CRADD: variants seen among roughly 807,000 people sequenced by gnomAD.
CRADD encodes the protein death domain-containing protein CRADD.
Under a neutral mutation model 15.5 loss-of-function variants are expected in CRADD, and 9 were observed. The observed-to-expected ratio is 0.58, with a 90% confidence interval of 0.35 to 1.01. CRADD has a LOEUF of 1.01. CRADD is among the 50% of genes least tolerant of loss of function. The probability of loss-of-function intolerance (pLI) is 0.02; values close to 1 mark genes in which losing one functional copy is unlikely to be tolerated. For missense variants in CRADD, 227 were observed against 250.3 expected, an observed-to-expected ratio of 0.91 and a Z score of 0.63; for synonymous variants, 118 against 107.6, an observed-to-expected ratio of 1.10 and a Z score of -0.60.
At chr12:93,883,368 T>C (rs912041390) in intron 2 of CRADD, among the ~76,000 whole-genome samples, 3 of 152,252 alleles carry the variant, frequency 2.0e-5, no homozygotes, top group Non-Finnish European at 2.9e-5. Context: ...ATTTAAAATA[T>C]GAAGTATTAC....
At chr12:93,874,285 T>C (rs77487173) in intron 2 of CRADD, among the ~76,000 whole-genome samples, 255 of 152,200 alleles carry the variant, frequency 1.7e-3, no homozygotes, top group African/African-American at 6.0e-3. Flanking sequence ...GTATCAGTTG[T>C]CATGTCTCCT....
intron 2 of CRADD, among the ~76,000 whole-genome samples, chr12:93,792,139 A>G (rs945678530): frequency 6.6e-6 from 1 of 152,182 alleles, no homozygotes; most frequent in Non-Finnish European, 1.5e-5. Flanking sequence ...TGGAAGTGGA[A>G]CATCCTAGAG....
intron 2 of CRADD, among the ~76,000 whole-genome samples, chr12:93,867,388 C>CACATATATATATAT (rs1555230469): frequency 1.9e-5 from 1 of 52,588 alleles, no homozygotes; most frequent in South Asian, 5.4e-4. Flanking sequence ...TTGTATTTGA[C>CACATATATATATAT]ATATATATAT....
At chr12:93,863,596 TTGTGTGTGTGTGTGTGTGTGTGTGTG>T (rs1157061528) in intron 2 of CRADD, among the ~76,000 whole-genome samples, 3 of 124,772 alleles carry the variant, frequency 2.4e-5, no homozygotes, top group Non-Finnish European at 5.0e-5. Flanking sequence ...GTGGAGGCAT[TTGTGTGTGTGTGTGTGTGTGTGTGTG>T]TGTGTGTGTG....
At chr12:93,727,088 A>G (rs1159102148) in intron 2 of CRADD, among the ~76,000 whole-genome samples, 3 of 152,226 alleles carry the variant, frequency 2.0e-5, no homozygotes, top group African/African-American at 7.2e-5. Context: ...CTCAGGTGGG[A>G]AAACGTTCAG....
At chr12:93,686,667 G>A (rs1360596100) in intron 2 of CRADD, among the ~76,000 whole-genome samples, 2 of 152,222 alleles carry the variant, frequency 1.3e-5, no homozygotes, top group African/African-American at 2.4e-5. Flanking sequence ...TTAGAACTGG[G>A]TGGGACTCAC....
chr12:93,711,754 C>T (rs1040042449), intron 2 of CRADD, among the ~76,000 whole-genome samples: 1 of 47,790 alleles, frequency 2.1e-5, no homozygotes, highest in African/African-American at 5.0e-5. Context: ...CCCTCCTAGA[C>T]TCTTTTTTTT....
At chr12:93,814,122 A>ACAAG (rs887315787) in intron 2 of CRADD, among the ~76,000 whole-genome samples, 7 of 152,214 alleles carry the variant, frequency 4.6e-5, no homozygotes, top group African/African-American at 1.7e-4. Context: ...GCCATAAAGT[A>ACAAG]CAAGCCATGC....
Position 93,746,160 on chromosome 12 carries a change from A to G in CRADD, c.298+67088A>G, listed in dbSNP as rs764757556. Among the ~76,000 whole-genome samples the G allele has an allele frequency of 7.5e-4, 114 of 152,252 alleles. 4 individuals are homozygous for G. The highest frequency in any genetic ancestry group is 3.4e-4 in the Non-Finnish European group (23 of 68,050). On this transcript the variant is annotated intron_variant, in intron 2 of 2. Coordinates refer to ENST00000332896, the MANE Select transcript of CRADD (RefSeq NM_003805.5). The stretch of plus-strand genomic sequence containing the variant: ...AAAAGAGAGAAAATTAATGAGCTAC[A>G]GGATTCACCATATTCATAAAATGAT...
At chr12:93,789,193 G>A (rs905930807) in intron 2 of CRADD, among the ~76,000 whole-genome samples, 1 of 151,886 alleles carries the variant, frequency 6.6e-6, no homozygotes, top group Non-Finnish European at 1.5e-5. Context: ...CTAGGTCAGT[G>A]TTTCTCCCCA....
intron 2 of CRADD, among the ~76,000 whole-genome samples, chr12:93,717,073 T>C (rs569194592): frequency 1.4e-4 from 21 of 152,344 alleles, no homozygotes; most frequent in Admixed American, 3.9e-4. Context: ...GACCGTCTAA[T>C]GGGTGTATAG....
At chr12:93,768,987 ATTAT>A (rs1323410047) in intron 2 of CRADD, among the ~76,000 whole-genome samples, 1 of 152,164 alleles carries the variant, frequency 6.6e-6, no homozygotes, top group Non-Finnish European at 1.5e-5. Flanking sequence ...TTTCACATGT[ATTAT>A]TTGTTTATTC....
At chr12:93,844,401 A>G (rs1958088303) in intron 2 of CRADD, among the ~76,000 whole-genome samples, 1 of 152,130 alleles carries the variant, frequency 6.6e-6, no homozygotes, top group African/African-American at 2.4e-5. Flanking sequence ...CAGCACAAAC[A>G]GCTGTGATTG....
chr12:93,694,533 C>T (rs535623593), intron 2 of CRADD, among the ~76,000 whole-genome samples: 1 of 152,192 alleles, frequency 6.6e-6, no homozygotes, highest in African/African-American at 2.4e-5. Flanking sequence ...GTTAAATTAT[C>T]CCTGTTTGCA....
At chr12:93,811,881 G>A (rs373629084) in intron 2 of CRADD, among the ~76,000 whole-genome samples, 8 of 152,316 alleles carry the variant, frequency 5.3e-5, no homozygotes, top group East Asian at 1.9e-4. Flanking sequence ...AGACTGGGAA[G>A]CAACCAAGAT....
At chr12:93,864,188 G>A (rs1958343322) in intron 2 of CRADD, among the ~76,000 whole-genome samples, 1 of 152,124 alleles carries the variant, frequency 6.6e-6, no homozygotes, top group African/African-American at 2.4e-5. Context: ...CAAGTGTCAA[G>A]GATTACAGGT....
At chr12:93,727,385 G>A (rs1165390517) in intron 2 of CRADD, among the ~76,000 whole-genome samples, 3 of 152,162 alleles carry the variant, frequency 2.0e-5, no homozygotes, top group African/African-American at 7.2e-5. Flanking sequence ...CATCCAAGCT[G>A]GGAATCTCTG....
chr12:93,884,420 C>T (rs1030425961), intron 2 of CRADD, among the ~76,000 whole-genome samples: 2 of 152,218 alleles, frequency 1.3e-5, no homozygotes, highest in Middle Eastern at 3.4e-3. Flanking sequence ...GCCTTCAAGC[C>T]TAAAACAGCC....
chr12:93,735,152 GAACA>G (rs1956543796), intron 2 of CRADD, among the ~76,000 whole-genome samples: 2 of 152,110 alleles, frequency 1.3e-5, no homozygotes, highest in South Asian at 2.1e-4. Context: ...ATAAATGAAT[GAACA>G]AACACCCTGG....
Sources: gnomAD v4.1 joint callset for allele counts (sites outside exome capture counted in the v4.1 genomes callset) on GRCh38, gnomAD v4.1.1 for gene constraint, MANE v1.5 for transcripts, NCBI Gene and HGNC (gene_info 2026-07-23, HGNC 2026-07-21) for gene names.